The following NRXN1 variants were observed in gnomAD, a reference collection of about 807,000 sequenced individuals.
NRXN1 encodes neurexin 1, also known as neurexin-1.
NRXN1 carries 39 observed loss-of-function variants against 150.9 expected under a neutral mutation model. That is an observed-to-expected ratio of 0.26 (90% CI 0.20 to 0.34). The LOEUF is 0.34. Ranked by LOEUF, NRXN1 falls within the 10% of genes least tolerant of loss-of-function variation. NRXN1 has a pLI of 1.00. For missense variants in NRXN1, 1,815 were observed against 1,949.9 expected (o/e 0.93, Z 1.30); for synonymous variants, 924 against 757.0 (o/e 1.22, Z -3.62).
At chr2:51,022,200 TG>T (rs1669719834) in intron 2 of NRXN1, among the ~76,000 whole-genome samples, 1 of 152,138 alleles carries the variant, frequency 6.6e-6, no homozygotes, top group South Asian at 2.1e-4. Flanking sequence ...AAGTAACACG[TG>T]GACACTTACA....
chr2:50,954,210 G>T (rs1250847873), intron 2 of NRXN1, among the ~76,000 whole-genome samples: 1 of 151,946 alleles, frequency 6.6e-6, no homozygotes, highest in Non-Finnish European at 1.5e-5. Flanking sequence ...TTTCTCTCAG[G>T]ATGTTTTCTT....
At chr2:50,492,457 G>A (rs914632623) in intron 15 of NRXN1, among the ~76,000 whole-genome samples, 1 of 151,976 alleles carries the variant, frequency 6.6e-6, no homozygotes, top group East Asian at 1.9e-4. Context: ...AAATACATGA[G>A]CCCCAGTTTT....
At chr2:50,988,089 T>C (rs1458451785) in intron 2 of NRXN1, among the ~76,000 whole-genome samples, 2 of 151,984 alleles carry the variant, frequency 1.3e-5, no homozygotes, top group Non-Finnish European at 2.9e-5. Context: ...GATGCAACAG[T>C]GCTTTAATAA....
intron 13 of NRXN1, among the ~76,000 whole-genome samples, chr2:50,503,315 C>CAAA (rs796952572): frequency 2.0e-4 from 21 of 106,486 alleles, no homozygotes; most frequent in African/African-American, 5.7e-4. Context: ...CTCAAAAAAA[C>CAAA]AAAAAAAAAA....
At chr2:50,119,616 C>A (rs1430647938) in intron 18 of NRXN1, among the ~76,000 whole-genome samples, 1 of 151,098 alleles carries the variant, frequency 6.6e-6, no homozygotes, top group Non-Finnish European at 1.5e-5. Flanking sequence ...AATGTTTCTT[C>A]CAGGTTGAGT....
chr2:50,434,881 A>T (rs1428357865), intron 17 of NRXN1, among the ~76,000 whole-genome samples: 1 of 152,088 alleles, frequency 6.6e-6, no homozygotes, highest in Non-Finnish European at 1.5e-5. Context: ...AAATTTGCCA[A>T]CCCAGCTTGC....
intron 17 of NRXN1, among the ~76,000 whole-genome samples, chr2:50,454,280 C>T (rs1184516598): frequency 6.6e-6 from 1 of 152,130 alleles, no homozygotes; most frequent in Non-Finnish European, 1.5e-5. Flanking sequence ...GAGCCAAAAT[C>T]ATGCCACTGC....
intron 5 of NRXN1, among the ~76,000 whole-genome samples, chr2:50,724,556 G>T (rs772544395): frequency 1.3e-5 from 2 of 151,984 alleles, no homozygotes; most frequent in Non-Finnish European, 2.9e-5. Flanking sequence ...TAGTCAATCT[G>T]ACTAGAAAAA....
chr2:50,710,766 G>T (rs951094438), intron 5 of NRXN1, among the ~76,000 whole-genome samples: 1 of 152,138 alleles, frequency 6.6e-6, no homozygotes, highest in Non-Finnish European at 1.5e-5. Flanking sequence ...CTTTAAGTTT[G>T]CTTCTCTGCT....
chr2:50,210,352 A>G (rs1385890172), intron 18 of NRXN1, among the ~76,000 whole-genome samples: 1 of 151,888 alleles, frequency 6.6e-6, no homozygotes, highest in African/African-American at 2.4e-5. Context: ...ATCTACTGGC[A>G]TTTTTGGAGA....
At chr2:50,537,737 G>T (rs1329041978) in intron 10 of NRXN1, among the ~76,000 whole-genome samples, 1 of 152,150 alleles carries the variant, frequency 6.6e-6, no homozygotes, top group African/African-American at 2.4e-5. Flanking sequence ...TTGAAAGTCA[G>T]CTTACTTTTC....
chr2:50,746,935 T>G (rs1416343884), intron 5 of NRXN1, among the ~76,000 whole-genome samples: 1 of 152,080 alleles, frequency 6.6e-6, no homozygotes, highest in Admixed American at 6.6e-5. Flanking sequence ...CCTAGGGAAC[T>G]TATGAACACT....
intron 3 of NRXN1, 71 bp downstream of exon 3, chr2:50,925,867 A>C: frequency 8.5e-7 from 1 of 1,182,392 alleles, no homozygotes; most frequent in Non-Finnish European, 1.2e-6. Flanking sequence ...TCTAACTTCA[A>C]GATGTACCCT....
intron 21 of NRXN1, among the ~76,000 whole-genome samples, chr2:49,983,755 T>C (rs969839597): frequency 3.3e-5 from 5 of 152,198 alleles, no homozygotes; most frequent in African/African-American, 1.2e-4. Flanking sequence ...ATGGAATAAA[T>C]GTTTTAAAAT....
chr2:50,060,327 A>T (rs1424675294), intron 19 of NRXN1, among the ~76,000 whole-genome samples: 87 of 151,984 alleles, frequency 5.7e-4, no homozygotes, highest in Non-Finnish European at 1.5e-5. Context: ...GTTTTGGCCA[A>T]TTTCTCCCAT....
chr2:50,091,501 G>C lies in NRXN1; in HGVS notation c.3547-7C>G. 1 of 1,613,940 alleles carries C rather than the reference G, an allele frequency of 6.2e-7. No individual in the cohort carries two copies. The highest frequency in any genetic ancestry group is 8.5e-7 in the Non-Finnish European group (1 of 1,179,908). On this transcript the variant is annotated splice_region_variant and splice_polypyrimidine_tract_variant and intron_variant, in intron 18 of 22. Transcript: ENST00000401669. ...CTCCAATTTTTCCCTGGTGCTGTAA[G>C]AGAGGAGGGGAAAAAAGAGTTGAAT... is the stretch of plus-strand genomic sequence containing the variant.
chr2:50,818,503 C>T (rs1298818211), intron 5 of NRXN1, among the ~76,000 whole-genome samples: 1 of 151,440 alleles, frequency 6.6e-6, no homozygotes, highest in Non-Finnish European at 1.5e-5. Flanking sequence ...AAACTGGATC[C>T]TTATCTTACA....
chr2:50,120,910 T>C (rs1429854541), intron 18 of NRXN1, among the ~76,000 whole-genome samples: 1 of 152,252 alleles, frequency 6.6e-6, no homozygotes, highest in Non-Finnish European at 1.5e-5. Context: ...GTTGACTAAA[T>C]GTGGCTTTAA....
chr2:50,724,413 A>G (rs1207826937), intron 5 of NRXN1, among the ~76,000 whole-genome samples: 1 of 152,186 alleles, frequency 6.6e-6, no homozygotes, highest in Non-Finnish European at 1.5e-5. Context: ...GATATACTCA[A>G]TATCAGAAAC....
Sources: gnomAD v4.1 joint callset for allele counts (sites outside exome capture counted in the v4.1 genomes callset) on GRCh38, gnomAD v4.1.1 for gene constraint, MANE v1.5 for transcripts, NCBI Gene and HGNC (gene_info 2026-07-23, HGNC 2026-07-21) for gene names.